Variants in HNRNPM observed in about 807,000 individuals in gnomAD.
HNRNPM encodes the protein heterogeneous nuclear ribonucleoprotein M.
HNRNPM carries 11 observed loss-of-function variants against 73.1 expected under a neutral mutation model. The observed-to-expected ratio is 0.15, with a 90% CI of 0.09 to 0.25. The LOEUF (loss-of-function observed/expected upper bound fraction) is 0.25. HNRNPM is among the 10% of genes least tolerant of loss of function. The pLI, the probability that HNRNPM is intolerant of heterozygous loss-of-function variation, is 1.00. For synonymous variants in HNRNPM, 407 were observed against 355.2 expected, an observed-to-expected ratio of 1.15 and a Z score of -1.64; for missense variants, 789 against 1,067.9, an observed-to-expected ratio of 0.74 and a Z score of 3.64.
At chr19:8,474,075 AC>A in intron 11 of HNRNPM, 91 bp from the exon 12 acceptor site, 1 of 874,436 alleles carries the variant, frequency 1.1e-6, no homozygotes, top group Non-Finnish European at 1.7e-6. Flanking sequence ...GGCAGAAGAT[AC>A]CCCAGTTGAA....
intron 2 of HNRNPM, among the ~76,000 whole-genome samples, chr19:8,459,674 T>C (rs973445108): frequency 1.3e-5 from 2 of 152,178 alleles, no homozygotes; most frequent in African/African-American, 4.8e-5. Context: ...ACTTGAGCAG[T>C]AAATGGGAAC....
At chr19:8,488,005 C>G (rs774135070) in intron 15 of HNRNPM, 1 of 152,482 alleles carries the variant, frequency 6.6e-6, no homozygotes, top group Non-Finnish European at 1.5e-5. Context: ...CCCTCCTGTC[C>G]CAGAACCTGA....
intron 12 of HNRNPM, among the ~76,000 whole-genome samples, chr19:8,478,401 C>T (rs761641098): frequency 6.6e-6 from 1 of 152,026 alleles, no homozygotes; most frequent in South Asian, 2.1e-4. Context: ...AGAGATGGAG[C>T]GTGGCATGGG....
chr19:8,449,187 T>G (rs987882694), intron 1 of HNRNPM, among the ~76,000 whole-genome samples: 3 of 152,226 alleles, frequency 2.0e-5, no homozygotes, highest in Non-Finnish European at 2.9e-5. Flanking sequence ...TTGGATTATT[T>G]GAATGCATGC....
At position 8,466,602 on chromosome 19, in the gene HNRNPM, C is replaced by T. The variant is rs899203318; in HGVS notation, c.784+214C>T. Among the ~76,000 whole-genome samples, 5 of 151,858 alleles carry T rather than the reference C, an allele frequency of 3.3e-5. No individual in the cohort carries two copies. The East Asian group carries it at 5.8e-4, about 18-fold the overall frequency. On this transcript the variant is annotated intron_variant, in intron 7 of 15. Transcript: ENST00000325495. Reference sequence around the variant, plus strand: ...CAGCACTTCGGGAGGCCAAGGCGGGCGGATCACTTGAGGTCAGTTCGAGAC... The same window carrying T: ...CAGCACTTCGGGAGGCCAAGGCGGGTGGATCACTTGAGGTCAGTTCGAGAC...
intron 15 of HNRNPM, 137 bp from the exon 16 acceptor site, chr19:8,488,554 G>GC: frequency 3.0e-6 from 2 of 660,004 alleles, no homozygotes; most frequent in East Asian, 5.5e-5. Context: ...GGCTGAGGGG[G>GC]CCGTAGTCAT....
Position 8,488,897 on chromosome 19 carries a change from G to T in HNRNPM, c.*43G>T. On this transcript the variant is annotated 3_prime_UTR_variant, in exon 16 of 16. Coordinates refer to ENST00000325495, the MANE Select transcript of HNRNPM (RefSeq NM_005968.5). ...ACATCGATACGAGACCTCTGAATTT[G>T]TATTTTTTCTTGTTAACCATTTTAA... The T allele has an allele frequency of 7.3e-6, 11 of 1,513,682 alleles. No homozygotes were observed. Among genetic ancestry groups the T allele is most frequent in the Non-Finnish European group, 9.9e-6 (11 of 1,113,912 alleles). The allele number at this position is 1,513,682 out of a possible 1,614,324, so 93.8% of individuals were successfully genotyped here.
chr19:8,462,433 G>A lies in HNRNPM; in HGVS notation c.284-96G>A, dbSNP rs1382409621. ...TTTCTGGGCTTTCTTATAAGGCAGAGGCTCCATACAAGGTTGCTGATGATT... is the reference window on the plus strand; with the variant it reads ...TTTCTGGGCTTTCTTATAAGGCAGAAGCTCCATACAAGGTTGCTGATGATT... On this transcript the variant is annotated intron_variant, in intron 2 of 15. Coordinates refer to ENST00000325495, the MANE Select transcript of HNRNPM (RefSeq NM_005968.5). This position sits in a 1 kb window ranked among gnomAD's most constrained non-coding sequence, Gnocchi z 4.5. 1.0e-6 allele frequency: 1 copy of A among 998,164 alleles called. No individual in the cohort carries two copies. The highest frequency in any genetic ancestry group is 2.4e-5 in the East Asian group (1 of 41,920). 61.8% of individuals were successfully genotyped at this position (998,164 alleles called of 1,614,324 possible).
chr19:8,455,775 T>C (rs1758472685), intron 2 of HNRNPM, among the ~76,000 whole-genome samples: 1 of 150,762 alleles, frequency 6.6e-6, no homozygotes, highest in African/African-American at 2.4e-5. Flanking sequence ...TGTTTTGTGG[T>C]CATACCCCTG....
At chr19:8,460,532 T>C (rs1969329275) in intron 2 of HNRNPM, among the ~76,000 whole-genome samples, 1 of 152,204 alleles carries the variant, frequency 6.6e-6, no homozygotes, top group South Asian at 2.1e-4. Flanking sequence ...GGTGTGCTAT[T>C]TCTAGACTAG....
chr19:8,475,478 A>G (rs866547759), intron 12 of HNRNPM, among the ~76,000 whole-genome samples: 1 of 152,202 alleles, frequency 6.6e-6, no homozygotes, highest in Non-Finnish European at 1.5e-5. Context: ...ATAACAAAGG[A>G]TGTGAAAATG....
At chr19:8,487,427 C>T (rs1457186023) in intron 15 of HNRNPM, 2 of 287,062 alleles carry the variant, frequency 7.0e-6, no homozygotes, top group East Asian at 1.9e-4. Flanking sequence ...TCGCTTTCCC[C>T]TCAGCACAGC....
At chr19:8,472,177 A>G (rs1422535891) in intron 10 of HNRNPM, among the ~76,000 whole-genome samples, 1 of 151,736 alleles carries the variant, frequency 6.6e-6, no homozygotes, top group African/African-American at 2.4e-5. Flanking sequence ...CTCCAGAAAA[A>G]AAAAAAAAAA....
At chr19:8,446,277 CAG>C (rs1432252192) in intron 1 of HNRNPM, among the ~76,000 whole-genome samples, 8 of 152,198 alleles carry the variant, frequency 5.3e-5, no homozygotes, top group Admixed American at 2.0e-4. Context: ...TCATCGGAAA[CAG>C]AAAGTGTAGC....
intron 2 of HNRNPM, among the ~76,000 whole-genome samples, chr19:8,461,327 T>C (rs1466317779): frequency 6.6e-6 from 1 of 152,232 alleles, no homozygotes; most frequent in East Asian, 1.9e-4. Context: ...CCTCATAATT[T>C]TAATGTCCTT....
At chr19:8,486,644 A>G (rs1205101620) in intron 14 of HNRNPM, among the ~76,000 whole-genome samples, 1 of 38,026 alleles carries the variant, frequency 2.6e-5, no homozygotes, top group Admixed American at 4.7e-4. Flanking sequence ...CAGAGACTCC[A>G]GTTTCTGATT....
At position 8,462,659 on chromosome 19, in the gene HNRNPM, A is replaced by T; in HGVS notation, c.336+78A>T. Reference sequence around the variant, plus strand: ...TGTATGGTGGCGTGGAATCGAATGAAATCAGGAAGGCAGTGAGTGCTCATG... The same window carrying T: ...TGTATGGTGGCGTGGAATCGAATGATATCAGGAAGGCAGTGAGTGCTCATG... On this transcript the variant is annotated intron_variant, in intron 3 of 15. Coordinates refer to ENST00000325495, the MANE Select transcript of HNRNPM (RefSeq NM_005968.5). The surrounding 1 kb of genome is among the most constrained non-coding windows in gnomAD (Gnocchi z 4.5). 1 of 1,208,090 alleles carries T rather than the reference A, an allele frequency of 8.3e-7. No homozygotes were observed. Among genetic ancestry groups the T allele is most frequent in the South Asian group, 1.2e-5 (1 of 82,744 alleles). 74.8% of individuals were successfully genotyped at this position (1,208,090 alleles called of 1,614,324 possible). A position where few individuals can be genotyped will look rare whatever the true frequency, so the allele number is the denominator to read the frequency against.
At position 8,463,514 on chromosome 19, in the gene HNRNPM, G is replaced by A. The variant is rs2145660144; in HGVS notation, c.344+10G>A. ...CTCCAAAGGGATGTGCGTAAGTATC[G>A]TCTAGTTACTTATTGGTATTTGAGC... is the stretch of plus-strand genomic sequence containing the variant. On this transcript the variant is annotated intron_variant, in intron 4 of 15. Coordinates refer to ENST00000325495, the MANE Select transcript of HNRNPM (RefSeq NM_005968.5). 1.9e-6 allele frequency: 3 copies of A among 1,613,324 alleles called. No homozygotes were observed. Among genetic ancestry groups the A allele is most frequent in the East Asian group, 2.2e-5 (1 of 44,870 alleles).
intron 3 of HNRNPM, 44 bp from the exon 4 acceptor site, chr19:8,463,453 T>C: frequency 6.2e-7 from 1 of 1,605,948 alleles, no homozygotes; most frequent in Non-Finnish European, 8.5e-7. Flanking sequence ...CTTTTCTTTT[T>C]CCCCTTCCTT....
Sources: allele counts gnomAD v4.1 joint callset (sites outside exome capture counted in the v4.1 genomes callset), GRCh38; gene constraint gnomAD v4.1.1; non-coding constraint Gnocchi (gnomAD v3.1); transcripts MANE v1.5; gene names NCBI Gene and HGNC (gene_info 2026-07-23, HGNC 2026-07-21).